TGFB2: variants seen among roughly 807,000 people sequenced by gnomAD.
TGFB2 encodes transforming growth factor beta 2, also known as transforming growth factor beta-2 proprotein.
A neutral mutation model predicts 42.7 loss-of-function variants in TGFB2; 13 were observed. The ratio of observed to expected loss-of-function variants is 0.30; its 90% CI spans 0.20 to 0.48. The LOEUF (loss-of-function observed/expected upper bound fraction) is 0.48, where lower values mean the gene tolerates loss of function less well. Ranked by LOEUF, TGFB2 falls within the 20% of genes least tolerant of loss-of-function variation. The pLI, the probability that TGFB2 is intolerant of heterozygous loss-of-function variation, is 0.99. For missense variants in TGFB2, 390 were observed against 517.5 expected (o/e 0.75, Z 2.39); for synonymous variants, 193 against 193.6 (o/e 1.00, Z 0.03).
At chr1:218,358,629 A>G (rs1042620316) in intron 1 of TGFB2, among the ~76,000 whole-genome samples, 8 of 150,992 alleles carry the variant, frequency 5.3e-5, no homozygotes, top group African/African-American at 2.0e-4. Context: ...GCTCACTGCA[A>G]GCTCTGCCTC....
Position 218,437,393 on chromosome 1 carries a change from G to C in TGFB2, c.983G>C (p.Arg328Thr). 1.2e-6 allele frequency: 2 copies of C among 1,612,972 alleles called. No homozygotes were observed. Among genetic ancestry groups the C allele is most frequent in the Non-Finnish European group, 8.5e-7 (1 of 1,179,682 alleles). The change falls in exon 6 of 7, where the codon AGG becomes ACG. Residue 328 changes from arginine to threonine, a missense_variant. Coordinates refer to ENST00000366930, the MANE Select transcript of TGFB2 (RefSeq NM_003238.6). ...CLRPLYIDFK[R>T]DLGWKWIHEP... is the part of the protein sequence containing the mutation. ...CGTCCACTTTACATTGATTTCAAGAGGGATCTAGGGTGGAAATGGATACAC... is the reference window on the plus strand; with the variant it reads ...CGTCCACTTTACATTGATTTCAAGACGGATCTAGGGTGGAAATGGATACAC...
intron 1 of TGFB2, among the ~76,000 whole-genome samples, chr1:218,357,522 G>A (rs545889046): frequency 5.3e-5 from 8 of 152,288 alleles, no homozygotes; most frequent in South Asian, 2.1e-4. Flanking sequence ...CTGAGAAAGC[G>A]GTCCTCCCTG....
intron 1 of TGFB2, among the ~76,000 whole-genome samples, chr1:218,404,754 T>C (rs1658850434): frequency 6.6e-6 from 1 of 152,126 alleles, no homozygotes; most frequent in African/African-American, 2.4e-5. Context: ...GGAAAAAAAA[T>C]ACATGGGCAA....
intron 1 of TGFB2, among the ~76,000 whole-genome samples, chr1:218,381,353 T>C (rs1420692635): frequency 1.3e-5 from 2 of 152,032 alleles, no homozygotes; most frequent in African/African-American, 4.8e-5. Flanking sequence ...CCTCCCGGGT[T>C]CACGCCATTC....
intron 1 of TGFB2, among the ~76,000 whole-genome samples, chr1:218,379,098 G>A (rs1010668899): frequency 8.6e-5 from 13 of 151,422 alleles, no homozygotes; most frequent in Admixed American, 1.3e-4. Context: ...AAAGCAGACC[G>A]AGAACACATG....
chr1:218,436,244 A>T (rs945512498), intron 5 of TGFB2, 97 bp downstream of exon 5: 3 of 1,289,868 alleles, frequency 2.3e-6, no homozygotes, highest in African/African-American at 3.0e-5. Context: ...AGTGGAACTC[A>T]CTGCTAAGGC....
chr1:218,390,657 T>C (rs1320911597), intron 1 of TGFB2, among the ~76,000 whole-genome samples: 1 of 152,216 alleles, frequency 6.6e-6, no homozygotes, highest in Non-Finnish European at 1.5e-5. Flanking sequence ...GATTCTTAAT[T>C]TAAAGGCTGT....
chr1:218,367,163 G>T lies in TGFB2; in HGVS notation c.346+20116G>T, dbSNP rs1269488102. Among the ~76,000 whole-genome samples, 3 of 152,112 alleles carry T rather than the reference G, an allele frequency of 2.0e-5. No homozygotes were observed. In the East Asian group the frequency reaches 5.8e-4, roughly 29 times the overall value. On this transcript the variant is annotated intron_variant, in intron 1 of 6. Coordinates refer to ENST00000366930, the MANE Select transcript of TGFB2 (RefSeq NM_003238.6). ...AGTGGGGAAGGGACTTTCAAAGCTAGTGTTTAATGCATAAGTGACACATAC... is the reference window on the plus strand; with the variant it reads ...AGTGGGGAAGGGACTTTCAAAGCTATTGTTTAATGCATAAGTGACACATAC...
chr1:218,350,175 A>G (rs1023368786), intron 1 of TGFB2, among the ~76,000 whole-genome samples: 9 of 151,072 alleles, frequency 6.0e-5, no homozygotes, highest in African/African-American at 2.0e-4. Flanking sequence ...AAGAATCTGT[A>G]GAGAGTCCGA....
intron 1 of TGFB2, among the ~76,000 whole-genome samples, chr1:218,379,707 T>C (rs968341219): frequency 2.0e-5 from 3 of 152,196 alleles, no homozygotes; most frequent in Non-Finnish European, 4.4e-5. Context: ...TGAGAGAAGT[T>C]CAGTCAGTCC....
Position 218,363,533 on chromosome 1 carries a change from C to T in TGFB2, c.346+16486C>T, listed in dbSNP as rs532240227. ...GCAAGATGAGATTCTGAAATGCAGC[C>T]TTGTACCTGAGCGATCACAAAGGTG... On this transcript the variant is annotated intron_variant, in intron 1 of 6. Transcript: ENST00000366930. The T allele has an allele frequency of 9.1e-5, 94 of 1,035,808 alleles. 3 individuals are homozygous for T. The South Asian group carries it at 1.2e-3, about 13-fold the overall frequency. 64.2% of individuals were successfully genotyped at this position (1,035,808 alleles called of 1,614,324 possible).
intron 1 of TGFB2, among the ~76,000 whole-genome samples, chr1:218,351,890 A>G (rs1195385575): frequency 6.6e-6 from 1 of 152,250 alleles, no homozygotes; most frequent in African/African-American, 2.4e-5. Context: ...AGATGTGAAA[A>G]AAGGGCTAAT....
intron 2 of TGFB2, among the ~76,000 whole-genome samples, chr1:218,407,833 T>C (rs933034256): frequency 1.3e-5 from 2 of 152,034 alleles, no homozygotes; most frequent in Non-Finnish European, 2.9e-5. Context: ...TCTCTTACCC[T>C]TGGGATCAGC....
chr1:218,366,379 TC>T (rs1432289993), intron 1 of TGFB2, among the ~76,000 whole-genome samples: 1 of 152,092 alleles, frequency 6.6e-6, no homozygotes, highest in East Asian at 1.9e-4. Context: ...TGATCATAGC[TC>T]ACTGTAACCT....
chr1:218,422,747 A>T (rs1294262397), intron 2 of TGFB2, among the ~76,000 whole-genome samples: 1 of 152,094 alleles, frequency 6.6e-6, no homozygotes, highest in African/African-American at 2.4e-5. Context: ...TTCCCTTACT[A>T]CCCAATGCAC....
chr1:218,394,065 C>A lies in TGFB2; in HGVS notation c.347-11104C>A, dbSNP rs562102106. Among the ~76,000 whole-genome samples the A allele has an allele frequency of 2.0e-5, 3 of 152,264 alleles. No homozygotes were observed. In the East Asian group the frequency reaches 5.8e-4, roughly 29 times the overall value. On this transcript the variant is annotated intron_variant, in intron 1 of 6. Transcript: ENST00000366930. ...GGGATTACAGGTGCCCACCACCATG[C>A]CTGGCTAATTTTTTTTTGTATTTTT...
In TGFB2 at chr1:218,441,413, G is replaced by A; in HGVS notation, c.*51G>A. 6.5e-7 allele frequency: 1 copy of A among 1,545,414 alleles called. No homozygotes were observed. On this transcript the variant is annotated 3_prime_UTR_variant, in exon 7 of 7. Coordinates refer to ENST00000366930, the MANE Select transcript of TGFB2 (RefSeq NM_003238.6). ...AAATGACAATGATGATGATAATGAT[G>A]ATGACGACGACAACGATGATGCTTG...
At chr1:218,432,992 C>T (rs534482007) in intron 2 of TGFB2, among the ~76,000 whole-genome samples, 5 of 152,292 alleles carry the variant, frequency 3.3e-5, no homozygotes, top group African/African-American at 9.6e-5. Flanking sequence ...CACTTCCTTT[C>T]GAAACCTAGG....
In TGFB2 at chr1:218,434,174, C is replaced by T. The variant is rs377264861; in HGVS notation, c.603C>T (p.Phe201=). 22 of 1,614,062 alleles carry T rather than the reference C, an allele frequency of 1.4e-5. No individual in the cohort carries two copies. Among genetic ancestry groups the T allele is most frequent in the African/African-American group, 5.3e-5 (4 of 74,920 alleles). The part of the protein sequence containing the change: ...KTRAEGEWLS[F]DVTDAVHEWL... ...GAGCAGAAGGCGAATGGCTCTCCTT[C>T]GATGTAACTGATGCTGTTCATGAAT... Residue 201 remains phenylalanine, a synonymous_variant, in exon 3 of 7, where the codon TTC becomes TTT. Coordinates refer to ENST00000366930, the MANE Select transcript of TGFB2 (RefSeq NM_003238.6).
Sources: gnomAD v4.1 joint callset for allele counts (sites outside exome capture counted in the v4.1 genomes callset) on GRCh38, gnomAD v4.1.1 for gene constraint, MANE v1.5 for transcripts, NCBI Gene and HGNC (gene_info 2026-07-23, HGNC 2026-07-21) for gene names.